AKAP6: variants seen among roughly 807,000 people sequenced by gnomAD.
AKAP6 encodes the protein A-kinase anchor protein 6.
AKAP6 carries 58 observed loss-of-function variants against 188.5 expected under a neutral mutation model. The observed-to-expected ratio is 0.31, with a 90% CI of 0.25 to 0.38. AKAP6 has a LOEUF of 0.38. Among genes scored for constraint, AKAP6 ranks in the 10% least tolerant of loss-of-function variants. The pLI is 1.00. For missense variants in AKAP6, 2,710 were observed against 2,740.0 expected (o/e 0.99, Z 0.24); for synonymous variants, 989 against 998.6 (o/e 0.99, Z 0.18).
chr14:32,350,968 A>G (rs891448135), intron 1 of AKAP6, among the ~76,000 whole-genome samples: 1 of 151,966 alleles, frequency 6.6e-6, no homozygotes, highest in Non-Finnish European at 1.5e-5. Context: ...GTGTAGGTAC[A>G]TATTTTAAAT....
chr14:32,463,908 G>A (rs904029871), intron 2 of AKAP6, among the ~76,000 whole-genome samples: 1 of 151,868 alleles, frequency 6.6e-6, no homozygotes, highest in Non-Finnish European at 1.5e-5. Context: ...ATGATAAAGG[G>A]GATATAACCA....
At chr14:32,729,363 CTAAGTA>C (rs2031058125) in intron 9 of AKAP6, among the ~76,000 whole-genome samples, 1 of 151,970 alleles carries the variant, frequency 6.6e-6, no homozygotes, top group African/African-American at 2.4e-5. Flanking sequence ...TCATGCATTT[CTAAGTA>C]TATTTATTTC....
intron 2 of AKAP6, among the ~76,000 whole-genome samples, chr14:32,469,724 TTA>T (rs66470906): frequency 0.67 from 92,479 of 138,668 alleles, 29,763 homozygotes; most frequent in African/African-American, 0.79. Flanking sequence ...TTTTTTTTTT[TTA>T]TTATTATACT....
chr14:32,334,726 C>T (rs796717890), intron 1 of AKAP6, among the ~76,000 whole-genome samples: 31 of 152,296 alleles, frequency 2.0e-4, no homozygotes, highest in Middle Eastern at 3.4e-3. Flanking sequence ...ATAAGGCATA[C>T]AGTTTCTTCT....
intron 9 of AKAP6, among the ~76,000 whole-genome samples, chr14:32,709,384 T>C (rs2139745043): frequency 6.6e-6 from 1 of 152,102 alleles, no homozygotes. Flanking sequence ...CTCAGAACTA[T>C]ACCCTGGTGG....
chr14:32,363,590 A>T (rs765390916), intron 1 of AKAP6, among the ~76,000 whole-genome samples: 1 of 152,202 alleles, frequency 6.6e-6, no homozygotes, highest in Non-Finnish European at 1.5e-5. Flanking sequence ...GTTCAAGGAC[A>T]GGAAGCATCC....
Position 32,750,276 on chromosome 14 carries a change from CT to C in AKAP6, c.3372+14402del, listed in dbSNP as rs536461114. Among the ~76,000 whole-genome samples, 708 of 151,820 alleles carry C rather than the reference CT, an allele frequency of 4.7e-3. 2 individuals carry two copies. The highest frequency in any genetic ancestry group is 7.6e-3 in the Non-Finnish European group (517 of 67,932). On this transcript the variant is annotated intron_variant, in intron 11 of 13. Coordinates refer to ENST00000280979, the MANE Select transcript of AKAP6 (RefSeq NM_004274.5). ...GCCACTTTTACAATTTAAAAATGAGCTTTTTTTTCCTGTGTCCTCCAGCCTA... is the reference window on the plus strand; with the variant it reads ...GCCACTTTTACAATTTAAAAATGAGCTTTTTTTCCTGTGTCCTCCAGCCTA...
At chr14:32,548,933 G>A (rs184149088) in intron 4 of AKAP6, among the ~76,000 whole-genome samples, 10 of 151,988 alleles carry the variant, frequency 6.6e-5, no homozygotes, top group Admixed American at 1.3e-4. Flanking sequence ...ACATCCATTC[G>A]TTGTCGAATA....
intron 2 of AKAP6, among the ~76,000 whole-genome samples, chr14:32,487,314 A>G (rs558571444): frequency 6.6e-6 from 1 of 152,356 alleles, no homozygotes; most frequent in Admixed American, 6.5e-5. Context: ...TTTTGGTATC[A>G]GGATGATGCT....
At chr14:32,434,583 A>G in intron 2 of AKAP6, among the ~76,000 whole-genome samples, 1 of 152,238 alleles carries the variant, frequency 6.6e-6, no homozygotes, top group East Asian at 1.9e-4. Flanking sequence ...ATAACCAATC[A>G]GGGCACTGGC....
intron 1 of AKAP6, among the ~76,000 whole-genome samples, chr14:32,358,526 G>C (rs534678611): frequency 6.8e-6 from 1 of 146,674 alleles, no homozygotes; most frequent in Non-Finnish European, 1.5e-5. Context: ...TGTGTTGGGT[G>C]GGGGGGTTAG....
intron 3 of AKAP6, among the ~76,000 whole-genome samples, chr14:32,541,316 C>T (rs1882944433): frequency 2.0e-5 from 2 of 101,714 alleles, no homozygotes; most frequent in Admixed American, 1.3e-4. Flanking sequence ...ATTCAGTAAA[C>T]AATATATTCA....
At chr14:32,726,594 GA>G (rs2030886073) in intron 9 of AKAP6, among the ~76,000 whole-genome samples, 1 of 152,252 alleles carries the variant, frequency 6.6e-6, no homozygotes, top group African/African-American at 2.4e-5. Context: ...ACGTTATGGT[GA>G]AAAGAGAGGC....
At chr14:32,691,598 G>A (rs552448048) in intron 8 of AKAP6, among the ~76,000 whole-genome samples, 30 of 151,674 alleles carry the variant, frequency 2.0e-4, no homozygotes, top group African/African-American at 5.3e-4. Flanking sequence ...TTGCTGTGTC[G>A]CCCAGGCTGG....
At chr14:32,651,567 C>A (rs1045737432) in intron 7 of AKAP6, among the ~76,000 whole-genome samples, 9 of 152,158 alleles carry the variant, frequency 5.9e-5, no homozygotes, top group Non-Finnish European at 1.5e-5. Context: ...CCAGTCTTCA[C>A]TTCCAAGATG....
At chr14:32,636,071 T>A (rs758111617) in intron 7 of AKAP6, among the ~76,000 whole-genome samples, 9 of 152,266 alleles carry the variant, frequency 5.9e-5, no homozygotes, top group South Asian at 2.1e-4. Flanking sequence ...CCCAGAAATG[T>A]TTTGCACTTA....
intron 7 of AKAP6, among the ~76,000 whole-genome samples, chr14:32,674,067 TGAGAAGACATTAGCAAGACA>T: frequency 6.6e-6 from 1 of 152,284 alleles, no homozygotes; most frequent in South Asian, 2.1e-4. Context: ...GCTGGAAAGA[TGAGAAGACATTAGCAAGACA>T]ATGTTCCAGT....
At chr14:32,595,257 T>C (rs1478682835) in intron 5 of AKAP6, among the ~76,000 whole-genome samples, 2 of 152,130 alleles carry the variant, frequency 1.3e-5, no homozygotes, top group East Asian at 3.9e-4. Flanking sequence ...TCCATGACTC[T>C]TTCATGGTTC....
At chr14:32,525,167 G>A (rs1381511305) in intron 2 of AKAP6, among the ~76,000 whole-genome samples, 1 of 152,146 alleles carries the variant, frequency 6.6e-6, no homozygotes, top group Admixed American at 6.5e-5. Flanking sequence ...AATACTGAAT[G>A]CAAGAATGAC....
Sources: gnomAD v4.1 joint callset for allele counts (sites outside exome capture counted in the v4.1 genomes callset) on GRCh38, gnomAD v4.1.1 for gene constraint, MANE v1.5 for transcripts, NCBI Gene and HGNC (gene_info 2026-07-23, HGNC 2026-07-21) for gene names.